The following PCDH9 variants were observed in gnomAD, a reference collection of about 807,000 sequenced individuals.
PCDH9 encodes the protein protocadherin 9.
In PCDH9, 24 loss-of-function variants were observed where a neutral mutation model predicts 70.6. That is an observed-to-expected ratio of 0.34 (90% confidence interval 0.25 to 0.48). The LOEUF is 0.48. PCDH9 is among the 20% of genes least tolerant of loss of function. PCDH9 has a pLI of 0.99. For synonymous variants in PCDH9, 562 were observed against 558.5 expected (o/e 1.01, Z -0.09); for missense variants, 1,281 against 1,503.6 (o/e 0.85, Z 2.45).
chr13:67,078,606 C>T (rs1024696205), intron 2 of PCDH9, among the ~76,000 whole-genome samples: 4 of 152,004 alleles, frequency 2.6e-5, no homozygotes, highest in Admixed American at 6.6e-5. Context: ...CCCAAATGTG[C>T]CTCATAATAT....
At chr13:66,982,429 C>A (rs1048656259) in intron 2 of PCDH9, among the ~76,000 whole-genome samples, 3 of 152,212 alleles carry the variant, frequency 2.0e-5, no homozygotes, top group Non-Finnish European at 4.4e-5. Context: ...GTCATAATTA[C>A]ACCAAGTATG....
intron 2 of PCDH9, among the ~76,000 whole-genome samples, chr13:67,137,125 T>TA (rs1245699495): frequency 5.9e-5 from 9 of 151,448 alleles, no homozygotes; most frequent in South Asian, 4.2e-4. Context: ...AGTATAATAA[T>TA]AAAAAAAAAG....
At chr13:66,577,292 T>C (rs1319582977) in intron 4 of PCDH9, among the ~76,000 whole-genome samples, 4 of 151,950 alleles carry the variant, frequency 2.6e-5, no homozygotes, top group Non-Finnish European at 5.9e-5. Flanking sequence ...AATTGATTCA[T>C]TTTAAGCATA....
chr13:66,346,297 C>A (rs1296765122), intron 4 of PCDH9, among the ~76,000 whole-genome samples: 1 of 152,236 alleles, frequency 6.6e-6, no homozygotes, highest in Non-Finnish European at 1.5e-5. Context: ...CATCACTCAT[C>A]TTTGGTTATC....
chr13:66,466,907 C>T (rs1958523745), intron 4 of PCDH9, among the ~76,000 whole-genome samples: 1 of 151,976 alleles, frequency 6.6e-6, no homozygotes, highest in African/African-American at 2.4e-5. Context: ...GCAGTTTTCA[C>T]AATTTTGTTT....
intron 2 of PCDH9, among the ~76,000 whole-genome samples, chr13:67,045,816 C>G (rs1319836618): frequency 6.6e-6 from 1 of 152,128 alleles, no homozygotes; most frequent in African/African-American, 2.4e-5. Flanking sequence ...CAGTCCAGAA[C>G]AACTTTCCAT....
At chr13:66,356,427 T>C (rs999053910) in intron 4 of PCDH9, among the ~76,000 whole-genome samples, 2 of 152,104 alleles carry the variant, frequency 1.3e-5, no homozygotes, top group Non-Finnish European at 2.9e-5. Flanking sequence ...CAAAATCTGA[T>C]TTCTTCAAAT....
intron 3 of PCDH9, among the ~76,000 whole-genome samples, chr13:66,788,012 G>A (rs2080106344): frequency 6.6e-6 from 1 of 152,180 alleles, no homozygotes. Context: ...AGGAGACCTA[G>A]AGTTCGTGCA....
chr13:66,479,457 C>G (rs1226601264), intron 4 of PCDH9, among the ~76,000 whole-genome samples: 1 of 152,284 alleles, frequency 6.6e-6, no homozygotes, highest in East Asian at 1.9e-4. Flanking sequence ...AATTTAAAAT[C>G]TTCTGGAAAG....
chr13:66,653,166 T>G (rs919787431), intron 3 of PCDH9, among the ~76,000 whole-genome samples: 1 of 152,126 alleles, frequency 6.6e-6, no homozygotes, highest in Non-Finnish European at 1.5e-5. Context: ...GTTAAAAAGC[T>G]TCTTCACAGC....
intron 3 of PCDH9, among the ~76,000 whole-genome samples, chr13:66,785,635 T>G (rs979954441): frequency 2.0e-5 from 3 of 152,068 alleles, no homozygotes; most frequent in Non-Finnish European, 4.4e-5. Context: ...TCAGCAACAT[T>G]AAGGTGACAT....
chr13:66,461,967 T>A (rs1049036041), intron 4 of PCDH9, among the ~76,000 whole-genome samples: 9 of 151,824 alleles, frequency 5.9e-5, no homozygotes, highest in African/African-American at 1.9e-4. Context: ...TTCTATTTAA[T>A]GACTTGTATT....
chr13:67,155,576 T>A (rs975558699), intron 2 of PCDH9, among the ~76,000 whole-genome samples: 2 of 152,190 alleles, frequency 1.3e-5, no homozygotes, highest in African/African-American at 4.8e-5. Flanking sequence ...TTCCATGACG[T>A]GATTTTTTAA....
intron 4 of PCDH9, among the ~76,000 whole-genome samples, chr13:66,610,013 A>G (rs1192939350): frequency 7.1e-6 from 1 of 140,304 alleles, no homozygotes; most frequent in African/African-American, 2.7e-5. Flanking sequence ...GCTGGAGTGC[A>G]GTGGCGAGAT....
At chr13:66,577,931 G>A (rs183211651) in intron 4 of PCDH9, among the ~76,000 whole-genome samples, 355 of 152,170 alleles carry the variant, frequency 2.3e-3, no homozygotes, top group African/African-American at 8.2e-3. Flanking sequence ...AAGTGCTGAT[G>A]CTGAGGGAAA....
At chr13:66,413,805 A>G (rs1485066071) in intron 4 of PCDH9, among the ~76,000 whole-genome samples, 3 of 152,124 alleles carry the variant, frequency 2.0e-5, no homozygotes, top group Admixed American at 1.3e-4. Context: ...AGAGAAAACA[A>G]TAAATATTTG....
intron 2 of PCDH9, among the ~76,000 whole-genome samples, chr13:67,009,989 A>C (rs2084423516): frequency 6.6e-6 from 1 of 152,036 alleles, no homozygotes; most frequent in African/African-American, 2.4e-5. Context: ...TTTGGATGTC[A>C]CTTTACCAAA....
At chr13:66,690,925 A>T (rs1214165128) in intron 3 of PCDH9, among the ~76,000 whole-genome samples, 1 of 152,258 alleles carries the variant, frequency 6.6e-6, no homozygotes, top group African/African-American at 2.4e-5. Flanking sequence ...TCACCAGCGT[A>T]AGCCTGAGAC....
At chr13:66,856,192 C>A (rs570384772) in intron 3 of PCDH9, among the ~76,000 whole-genome samples, 6 of 152,024 alleles carry the variant, frequency 3.9e-5, no homozygotes, top group African/African-American at 1.4e-4. Context: ...TAATTTCTCA[C>A]ACATTGAGGC....
Sources: allele counts gnomAD v4.1 joint callset (sites outside exome capture counted in the v4.1 genomes callset), GRCh38; gene constraint gnomAD v4.1.1; transcripts MANE v1.5; gene names NCBI Gene and HGNC (gene_info 2026-07-23, HGNC 2026-07-21).